Variants in CSMD2 observed in about 807,000 individuals in gnomAD.
CSMD2 encodes CUB and Sushi multiple domains 2, also known as CUB and sushi domain-containing protein 2.
A neutral mutation model predicts 398.5 loss-of-function variants in CSMD2; 130 were observed. The ratio of observed to expected loss-of-function variants is 0.33; its 90% CI spans 0.28 to 0.38. CSMD2 has a LOEUF of 0.38. CSMD2 is among the 10% of genes least tolerant of loss of function. The pLI, the probability that CSMD2 is intolerant of heterozygous loss-of-function variation, is 1.00. For synonymous variants in CSMD2, 1,828 were observed against 1,908.5 expected, an observed-to-expected ratio of 0.96 and a Z score of 1.10; for missense variants, 3,829 against 4,764.9, an observed-to-expected ratio of 0.80 and a Z score of 5.78.
intron 2 of CSMD2, among the ~76,000 whole-genome samples, chr1:34,076,808 T>C (rs1571020539): frequency 6.7e-6 from 1 of 149,522 alleles, no homozygotes; most frequent in African/African-American, 2.5e-5. Context: ...TGAAAGTGAC[T>C]TGCCAATGCT....
At chr1:33,735,336 A>T (rs1001109249) in intron 15 of CSMD2, among the ~76,000 whole-genome samples, 5 of 152,170 alleles carry the variant, frequency 3.3e-5, no homozygotes, top group Admixed American at 3.3e-4. Context: ...ACACTGTAAG[A>T]CACTTATCCT....
At chr1:33,651,926 G>A (rs79363962) in intron 28 of CSMD2, among the ~76,000 whole-genome samples, 30 of 151,808 alleles carry the variant, frequency 2.0e-4, no homozygotes, top group African/African-American at 6.8e-4. Context: ...AGCTAGATTG[G>A]GGGGGGTGCC....
chr1:33,646,517 G>A (rs953299535), intron 29 of CSMD2, 131 bp downstream of exon 29: 164 of 916,600 alleles, frequency 1.8e-4, no homozygotes, highest in African/African-American at 1.2e-3. Context: ...TTCTGCAGGC[G>A]GCAGCAGTGC....
rs1314066490 is a variant in CSMD2, at chr1:33,624,712, C to T, written c.5501-69G>A. The T allele has an allele frequency of 6.4e-7, 1 of 1,558,710 alleles. No individual in the cohort carries two copies. The highest frequency in any genetic ancestry group is 1.4e-5 in the African/African-American group (1 of 73,680). On this transcript the variant is annotated intron_variant, in intron 34 of 70. Transcript: ENST00000373381. The surrounding 1 kb of genome is among the most constrained non-coding windows in gnomAD (Gnocchi z 4.7). ...TGGGAGCCTTCCCAAGCTGACTCCT[C>T]CCTCATGGCCCCCAGCCTCTGTTTG...
chr1:33,858,912 A>G (rs574099012), intron 5 of CSMD2, among the ~76,000 whole-genome samples: 2 of 152,272 alleles, frequency 1.3e-5, no homozygotes, highest in Non-Finnish European at 2.9e-5. Context: ...GAATTAGTGA[A>G]TTAGTGACTT....
In CSMD2 at chr1:33,559,228, C is replaced by G; in HGVS notation, c.8554+72G>C. ...GATGCCAGAATGAATTCACTGGCTT[C>G]TTTTTCTGAGCTACAGAACCACATA... On this transcript the variant is annotated intron_variant, in intron 54 of 70. Coordinates refer to ENST00000373381, the MANE Select transcript of CSMD2 (RefSeq NM_001281956.2). The surrounding 1 kb of genome is among the most constrained non-coding windows in gnomAD (Gnocchi z 4.0). 7.2e-7 allele frequency: 1 copy of G among 1,391,582 alleles called. No homozygotes were observed. The highest frequency in any genetic ancestry group is 1.4e-5 in the South Asian group (1 of 73,984). 86.2% of individuals were successfully genotyped at this position (1,391,582 alleles called of 1,614,324 possible).
chr1:34,151,705 C>T (rs1163624636), intron 1 of CSMD2, among the ~76,000 whole-genome samples: 2 of 152,152 alleles, frequency 1.3e-5, no homozygotes, highest in African/African-American at 2.4e-5. Context: ...TCCCCACAGA[C>T]AGCACCTGGA....
At chr1:34,065,146 G>T (rs34184120) in intron 2 of CSMD2, among the ~76,000 whole-genome samples, 4,868 of 152,096 alleles carry the variant, frequency 0.032, 102 homozygotes, top group Middle Eastern at 0.085. Flanking sequence ...GCCTTCCTTT[G>T]CTCCCCTCCC....
intron 3 of CSMD2, among the ~76,000 whole-genome samples, chr1:34,020,210 C>T (rs572206771): frequency 6.6e-6 from 1 of 152,230 alleles, no homozygotes; most frequent in Admixed American, 6.5e-5. Flanking sequence ...TTTGGGGCCA[C>T]TGGGTACAGG....
intron 27 of CSMD2, among the ~76,000 whole-genome samples, chr1:33,654,585 T>C (rs1474806085): frequency 6.6e-6 from 1 of 152,162 alleles, no homozygotes; most frequent in African/African-American, 2.4e-5. Flanking sequence ...GCTAGATAAG[T>C]GGGGCCAAGC....
chr1:33,536,884 G>A (rs1475970026), intron 62 of CSMD2, 138 bp downstream of exon 62: 14 of 758,548 alleles, frequency 1.8e-5, no homozygotes, highest in Non-Finnish European at 2.9e-5. Context: ...CAAAGAGGCA[G>A]AGGGCTTTCT....
At chr1:34,050,898 T>TCCAGAGGCTAGCATATGCTATGCTAGC (rs1400260144) in intron 2 of CSMD2, among the ~76,000 whole-genome samples, 1 of 151,184 alleles carries the variant, frequency 6.6e-6, no homozygotes, top group African/African-American at 2.4e-5. Flanking sequence ...GCTATGCAAG[T>TCCAGAGGCTAGCATATGCTATGCTAGC]CCAGAGGCTA....
chr1:34,132,215 A>G (rs1663422981), intron 1 of CSMD2, among the ~76,000 whole-genome samples: 1 of 151,914 alleles, frequency 6.6e-6, no homozygotes, highest in African/African-American at 2.4e-5. Flanking sequence ...CCATGGACAT[A>G]AGGGAGAATG....
chr1:33,982,259 C>G (rs574618178), intron 3 of CSMD2, among the ~76,000 whole-genome samples: 1 of 151,914 alleles, frequency 6.6e-6, no homozygotes, highest in Non-Finnish European at 1.5e-5. Context: ...AGAGGAGAAC[C>G]AGGGCGGGAG....
intron 4 of CSMD2, among the ~76,000 whole-genome samples, chr1:33,934,810 A>T: frequency 6.7e-6 from 1 of 149,128 alleles, no homozygotes; most frequent in Non-Finnish European, 1.5e-5. Context: ...AGCCTGGGCA[A>T]CATAGAGAGA....
Position 33,600,968 on chromosome 1 carries a change from G to A in CSMD2, c.6753C>T (p.Thr2251=). 6.2e-7 allele frequency: 1 copy of A among 1,614,138 alleles called. No individual in the cohort carries two copies. Among genetic ancestry groups the A allele is most frequent in the South Asian group, 1.1e-5 (1 of 91,078 alleles). The change falls in exon 44 of 71, where the codon ACC becomes ACT. Residue 2251 remains threonine (T), a synonymous_variant. Coordinates refer to ENST00000373381, the MANE Select transcript of CSMD2 (RefSeq NM_001281956.2). ...GCACTGTTTTCTTGGCCATGCTCCG[G>A]GTGAAGACGCCGAGCCGTGGTGCTG... is the stretch of plus-strand genomic sequence containing the variant. ...QQTAPRLGVF[T]RSMAKKTVQS... is the part of the protein sequence containing the mutation.
intron 3 of CSMD2, 144 bp from the exon 4 acceptor site, chr1:33,936,098 G>T: frequency 1.6e-6 from 1 of 634,008 alleles, no homozygotes; most frequent in East Asian, 2.9e-5. Context: ...GCCCACTGCT[G>T]ATCTGCCCGC....
chr1:34,164,694 G>A lies in CSMD2; in HGVS notation c.187+217C>T, dbSNP rs1247747578. 2.0e-5 allele frequency among the ~76,000 whole-genome samples: 3 copies of A among 152,130 alleles called. No individual in the cohort carries two copies. The highest frequency in any genetic ancestry group is 4.4e-5 in the Non-Finnish European group (3 of 68,016). On this transcript the variant is annotated intron_variant, in intron 1 of 70. Coordinates refer to ENST00000373381, the MANE Select transcript of CSMD2 (RefSeq NM_001281956.2). The surrounding 1 kb of genome is among the most constrained non-coding windows in gnomAD (Gnocchi z 6.2). Reference sequence around the variant, plus strand: ...CCGTCCAAGTTGCGGCTGGGGTTGGGGCAGCAGTGAGGGTGAGGGTGGAGG... The same window carrying A: ...CCGTCCAAGTTGCGGCTGGGGTTGGAGCAGCAGTGAGGGTGAGGGTGGAGG...
At chr1:34,148,448 T>G (rs917627399) in intron 1 of CSMD2, among the ~76,000 whole-genome samples, 2 of 152,224 alleles carry the variant, frequency 1.3e-5, no homozygotes, top group East Asian at 3.8e-4. Flanking sequence ...CCGAAAGCAG[T>G]CTCCAGCATG....
Sources: allele counts gnomAD v4.1 joint callset (sites outside exome capture counted in the v4.1 genomes callset), GRCh38; gene constraint gnomAD v4.1.1; non-coding constraint Gnocchi (gnomAD v3.1); transcripts MANE v1.5; gene names NCBI Gene and HGNC (gene_info 2026-07-23, HGNC 2026-07-21).